Variants in PTPRM observed in about 807,000 individuals in gnomAD.
PTPRM encodes the protein receptor-type tyrosine-protein phosphatase mu.
A neutral mutation model predicts 186.7 loss-of-function variants in PTPRM; 47 were observed. The ratio of observed to expected loss-of-function variants is 0.25; its 90% CI spans 0.20 to 0.32. The LOEUF (loss-of-function observed/expected upper bound fraction) is 0.32. PTPRM is among the 10% of genes least tolerant of loss of function. The pLI, the probability that PTPRM is intolerant of heterozygous loss-of-function variation, is 1.00. For missense variants in PTPRM, 1,494 were observed against 1,865.0 expected (o/e 0.80, Z 3.66); for synonymous variants, 668 against 674.9 (o/e 0.99, Z 0.16).
chr18:8,067,749 C>T (rs2089193647), intron 7 of PTPRM, among the ~76,000 whole-genome samples: 1 of 152,152 alleles, frequency 6.6e-6, no homozygotes, highest in Non-Finnish European at 1.5e-5. Flanking sequence ...CAACAATAGT[C>T]TAGACAAGTT....
At chr18:8,019,737 T>C (rs1204362452) in intron 7 of PTPRM, among the ~76,000 whole-genome samples, 2 of 148,802 alleles carry the variant, frequency 1.3e-5, no homozygotes, top group African/African-American at 2.4e-5. Flanking sequence ...TAAACATAAA[T>C]ATATAATTTA....
At chr18:7,745,156 G>A (rs186954337) in intron 1 of PTPRM, among the ~76,000 whole-genome samples, 220 of 152,232 alleles carry the variant, frequency 1.4e-3, no homozygotes, top group African/African-American at 4.6e-3. Context: ...GTTGTTGCAA[G>A]GGTTAAATAA....
At chr18:8,254,355 T>G (rs2094555272) in intron 19 of PTPRM, among the ~76,000 whole-genome samples, 1 of 152,260 alleles carries the variant, frequency 6.6e-6, no homozygotes, top group South Asian at 2.1e-4. Flanking sequence ...TGAAGAAATC[T>G]AATTCAAAGA....
At chr18:7,610,428 C>A (rs1438729498) in intron 1 of PTPRM, among the ~76,000 whole-genome samples, 1 of 152,040 alleles carries the variant, frequency 6.6e-6, no homozygotes, top group African/African-American at 2.4e-5. Flanking sequence ...CTCCAGAACC[C>A]TTTAAGAAGA....
chr18:7,624,105 T>A (rs189933987), intron 1 of PTPRM, among the ~76,000 whole-genome samples: 1 of 152,252 alleles, frequency 6.6e-6, no homozygotes, highest in East Asian at 1.9e-4. Flanking sequence ...GCCTCTGGGA[T>A]TTTACATTTT....
At chr18:7,788,108 C>T (rs1019599953) in intron 2 of PTPRM, among the ~76,000 whole-genome samples, 1 of 152,270 alleles carries the variant, frequency 6.6e-6, no homozygotes, top group East Asian at 1.9e-4. Context: ...GTTACAGTTA[C>T]AGGCTCAGAG....
chr18:7,813,974 C>G (rs536595416), intron 2 of PTPRM: 1 of 152,258 alleles, frequency 6.6e-6, no homozygotes, highest in Non-Finnish European at 1.5e-5. Flanking sequence ...CTTTTAAAAT[C>G]TCCTCTTCAC....
chr18:8,168,435 A>T (rs1465479658), intron 14 of PTPRM, among the ~76,000 whole-genome samples: 1 of 152,238 alleles, frequency 6.6e-6, no homozygotes, highest in Non-Finnish European at 1.5e-5. Flanking sequence ...AAAGTTAGCA[A>T]AAATAAGTGT....
rs753424012 is a variant in PTPRM at position 7,888,369 on chromosome 18, T to C, written c.460T>C (p.Phe154Leu). The change falls in exon 3 of 33, where the codon TTT (phenylalanine) becomes CTT (leucine). Residue 154 changes from phenylalanine to leucine, a missense_variant. Physicochemically the swap from Phe to Leu is conservative, Grantham distance 22 (BLOSUM62 0). This residue lies in a region of PTPRM where 296 missense variants were observed against 345.5 expected (regional missense o/e 0.86). Coordinates refer to ENST00000580170, the MANE Select transcript of PTPRM (RefSeq NM_001105244.2). The stretch of plus-strand genomic sequence containing the variant: ...GGCCATTAGTACTTTCTGGCCTAAC[T>C]TTTATCAGGTATGTGCTTTCTTTTT... Reference protein sequence around the residue: ...ELAISTFWPNFYQVIFEVITS... With the variant: ...ELAISTFWPNLYQVIFEVITS... The C allele has an allele frequency of 6.2e-7, 1 of 1,606,036 alleles. No individual in the cohort carries two copies. The highest frequency in any genetic ancestry group is 1.3e-5 in the African/African-American group (1 of 74,682).
intron 1 of PTPRM, among the ~76,000 whole-genome samples, chr18:7,654,611 C>T (rs2038804870): frequency 6.6e-6 from 1 of 151,984 alleles, no homozygotes; most frequent in African/African-American, 2.4e-5. Flanking sequence ...GTCTTTAATC[C>T]ATCTTAATTT....
At chr18:8,201,575 T>C (rs2093857720) in intron 14 of PTPRM, among the ~76,000 whole-genome samples, 1 of 152,198 alleles carries the variant, frequency 6.6e-6, no homozygotes, top group Admixed American at 6.5e-5. Context: ...ACATGAATTT[T>C]TCACGGTTCT....
At chr18:8,391,838 A>G (rs1470251820) in intron 31 of PTPRM, among the ~76,000 whole-genome samples, 1 of 152,232 alleles carries the variant, frequency 6.6e-6, no homozygotes, top group Non-Finnish European at 1.5e-5. Context: ...ACAACCAGAT[A>G]TTTTTGGCTT....
intron 14 of PTPRM, among the ~76,000 whole-genome samples, chr18:8,226,679 T>C (rs1161516883): frequency 2.0e-5 from 3 of 152,212 alleles, no homozygotes; most frequent in Non-Finnish European, 4.4e-5. Flanking sequence ...ATATGCCTTG[T>C]ATTAGTTTCC....
At chr18:8,287,302 A>G (rs543249554) in intron 19 of PTPRM, among the ~76,000 whole-genome samples, 8 of 152,332 alleles carry the variant, frequency 5.3e-5, no homozygotes, top group Non-Finnish European at 8.8e-5. Flanking sequence ...GAGAATAGTA[A>G]CAGGTGGCCT....
rs73939466 is a variant in PTPRM at position 8,375,535 on chromosome 18, G to A, written c.3172-511G>A. Among the ~76,000 whole-genome samples the A allele has an allele frequency of 3.5e-3, 540 of 152,312 alleles. 3 individuals are homozygous for A. The highest frequency in any genetic ancestry group is 0.012 in the African/African-American group (511 of 41,562). Reference sequence around the variant, plus strand: ...GTGTCCTCATTCATTCCTACTGCAAGCATCATCTGAGCATGCTCAGTGAGT... The same window carrying A: ...GTGTCCTCATTCATTCCTACTGCAAACATCATCTGAGCATGCTCAGTGAGT... On this transcript the variant is annotated intron_variant, in intron 24 of 32. Coordinates refer to ENST00000580170, the MANE Select transcript of PTPRM (RefSeq NM_001105244.2).
chr18:7,994,296 A>ACACACACC (rs1336462497), intron 7 of PTPRM, among the ~76,000 whole-genome samples: 17 of 147,958 alleles, frequency 1.1e-4, no homozygotes, highest in African/African-American at 3.3e-4. Flanking sequence ...ACACACACAC[A>ACACACACC]CCTAACACTG....
chr18:8,237,515 C>G (rs895760069), intron 14 of PTPRM, among the ~76,000 whole-genome samples: 5 of 136,026 alleles, frequency 3.7e-5, no homozygotes, highest in Non-Finnish European at 6.2e-5. Flanking sequence ...ATGGCACGAT[C>G]TCAGCTCACT....
chr18:8,253,550 GT>G, intron 19 of PTPRM, 136 bp downstream of exon 19: 1 of 832,972 alleles, frequency 1.2e-6, no homozygotes, highest in Non-Finnish European at 1.7e-6. Context: ...AAGTACAGTT[GT>G]CCCTCAGTAT....
At chr18:7,844,337 A>T (rs541891034) in intron 2 of PTPRM, among the ~76,000 whole-genome samples, 35 of 152,324 alleles carry the variant, frequency 2.3e-4, no homozygotes, top group Admixed American at 2.3e-3. Flanking sequence ...TTGGGATGTC[A>T]GATCAAAGTC....
Sources: gnomAD v4.1 joint callset for allele counts (sites outside exome capture counted in the v4.1 genomes callset) on GRCh38, gnomAD v4.1.1 for gene constraint, gnomAD v4.1.1 regional missense constraint, MANE v1.5 for transcripts, NCBI Gene and HGNC (gene_info 2026-07-23, HGNC 2026-07-21) for gene names.